SOX13: variants seen among roughly 807,000 people sequenced by gnomAD.
SOX13 encodes SRY-box transcription factor 13.
A neutral mutation model predicts 71.8 loss-of-function variants in SOX13; 28 were observed. That is an observed-to-expected ratio of 0.39 (90% CI 0.29 to 0.53). The LOEUF (loss-of-function observed/expected upper bound fraction) is 0.53, where lower values mean the gene tolerates loss of function less well. Among genes scored for constraint, SOX13 ranks in the 20% least tolerant of loss-of-function variants. The pLI is 0.70. For synonymous variants in SOX13, 309 were observed against 317.8 expected (o/e 0.97, Z 0.29); for missense variants, 627 against 810.3 (o/e 0.77, Z 2.75).
intron 1 of SOX13, among the ~76,000 whole-genome samples, chr1:204,095,294 C>G (rs938060032): frequency 1.3e-5 from 2 of 152,140 alleles, no homozygotes; most frequent in African/African-American, 4.8e-5. Flanking sequence ...TTCTCTATCC[C>G]CATCTTCTTG....
intron 4 of SOX13, among the ~76,000 whole-genome samples, chr1:204,114,808 C>T (rs561445488): frequency 6.6e-6 from 1 of 152,262 alleles, no homozygotes; most frequent in African/African-American, 2.4e-5. Flanking sequence ...CAGGAGAGGC[C>T]TGGTAGGAAT....
chr1:204,073,316 G>A lies in SOX13; in HGVS notation c.-397G>A, dbSNP rs1655707685. ...GGAGCCGGAGAGCGTGAGAGCCGAA[G>A]AGCAGGGAGGGCGGGCCGGCTGCGC... is the stretch of plus-strand genomic sequence containing the variant. On this transcript the variant is annotated 5_prime_UTR_variant, in exon 1 of 14. Coordinates refer to ENST00000367204, the MANE Select transcript of SOX13 (RefSeq NM_005686.3). This position sits in a 1 kb window ranked among gnomAD's most constrained non-coding sequence, Gnocchi z 6.8. The A allele has an allele frequency of 6.5e-6, 1 of 152,772 alleles. No individual in the cohort carries two copies. The highest frequency in any genetic ancestry group is 1.5e-5 in the Non-Finnish European group (1 of 68,490). 9.5% of individuals were successfully genotyped at this position (152,772 alleles called of 1,614,324 possible). A position where few individuals can be genotyped will look rare whatever the true frequency, so the allele number is the denominator to read the frequency against.
At chr1:204,104,089 G>A (rs889400556) in intron 1 of SOX13, among the ~76,000 whole-genome samples, 4 of 152,162 alleles carry the variant, frequency 2.6e-5, no homozygotes, top group Admixed American at 6.5e-5. Context: ...GCTGAGTCCC[G>A]GCAGCCACAG....
In SOX13 at chr1:204,083,790, C is replaced by G. The variant is rs146701284; in HGVS notation, c.-2+10079C>G. Among the ~76,000 whole-genome samples, 861 of 152,238 alleles carry G rather than the reference C, an allele frequency of 5.7e-3. 9 individuals are homozygous for G. Among genetic ancestry groups the G allele is most frequent in the African/African-American group, 0.018 (756 of 41,530 alleles). ...CCACCCTGGGCTGGGGCTGAAAGAC[C>G]ATGAAGCCAGCATAGCCCTGACACA... On this transcript the variant is annotated intron_variant, in intron 1 of 13. Transcript: ENST00000367204.
chr1:204,074,807 GC>G (rs1655751772), intron 1 of SOX13, among the ~76,000 whole-genome samples: 1 of 152,254 alleles, frequency 6.6e-6, no homozygotes, highest in Non-Finnish European at 1.5e-5. Context: ...GCCCTGGAGG[GC>G]CCGCGGCAGC....
intron 1 of SOX13, among the ~76,000 whole-genome samples, chr1:204,075,438 A>T (rs4951300): frequency 1.3e-5 from 2 of 152,228 alleles, no homozygotes; most frequent in South Asian, 4.1e-4. Context: ...AAAGCGCTTC[A>T]CAAGATGCTG....
intron 6 of SOX13, among the ~76,000 whole-genome samples, 178 bp from the exon 7 acceptor site, chr1:204,117,415 G>C (rs1002685171): frequency 6.6e-6 from 1 of 152,172 alleles, no homozygotes; most frequent in Non-Finnish European, 1.5e-5. Flanking sequence ...GAGACCTGAG[G>C]GCAGGTAGAC....
chr1:204,121,756 T>G (rs1314605642), intron 7 of SOX13, 144 bp from the exon 8 acceptor site: 6 of 705,126 alleles, frequency 8.5e-6, no homozygotes, highest in African/African-American at 1.7e-5. Context: ...AAGCAGTGCT[T>G]TGGGGCTGGG....
chr1:204,116,081 C>A, intron 4 of SOX13: 1 of 999,976 alleles, frequency 1.0e-6, no homozygotes, highest in Non-Finnish European at 1.3e-6. Context: ...CCTAACAGCT[C>A]ACAGACAGGA....
intron 1 of SOX13, among the ~76,000 whole-genome samples, chr1:204,087,250 AG>A (rs1420462910): frequency 3.9e-5 from 6 of 152,200 alleles, no homozygotes; most frequent in African/African-American, 7.2e-5. Context: ...ACTTCTGCAG[AG>A]GCAAAAGGGC....
intron 1 of SOX13, among the ~76,000 whole-genome samples, chr1:204,083,700 C>A (rs1020526723): frequency 7.2e-5 from 11 of 152,168 alleles, no homozygotes; most frequent in Admixed American, 6.5e-4. Context: ...ACTGCGGGGG[C>A]CTTCTCTGGT....
At chr1:204,093,109 A>AGGGACGTG (rs1216316390) in intron 1 of SOX13, among the ~76,000 whole-genome samples, 2 of 152,174 alleles carry the variant, frequency 1.3e-5, no homozygotes, top group East Asian at 1.9e-4. Context: ...GTATCAGCAT[A>AGGGACGTG]GGGACGTGGG....
intron 1 of SOX13, among the ~76,000 whole-genome samples, chr1:204,090,058 G>T (rs183999477): frequency 6.6e-6 from 1 of 152,310 alleles, no homozygotes; most frequent in East Asian, 1.9e-4. Context: ...TCTGGTGGGA[G>T]CCCAGGCTGC....
intron 1 of SOX13, among the ~76,000 whole-genome samples, chr1:204,087,594 G>C (rs1308856969): frequency 6.6e-6 from 1 of 152,244 alleles, no homozygotes; most frequent in Admixed American, 6.5e-5. Context: ...TATGCCCTCA[G>C]GGCTGTCACT....
In SOX13 at chr1:204,115,657, C is replaced by CTTTTTT. The variant is rs771014997; in HGVS notation, c.419-830_419-825dup. Among the ~76,000 whole-genome samples the CTTTTTT allele has an allele frequency of 3.5e-3, 199 of 57,394 alleles. 4 individuals carry two copies. Among genetic ancestry groups the CTTTTTT allele is most frequent in the Non-Finnish European group, 4.6e-3 (151 of 33,010 alleles). The allele number at this position is 57,394 out of a possible 152,430, so 37.7% of individuals were successfully genotyped here. Reference sequence around the variant, plus strand: ...TTTGCATATATTAGCGCTTCTTCTTCTTTTTTTTTTTTTTTTTTTTTTTTT... The same window carrying CTTTTTT: ...TTTGCATATATTAGCGCTTCTTCTTCTTTTTTTTTTTTTTTTTTTTTTTTTTTTTTT... On this transcript the variant is annotated intron_variant, in intron 4 of 13. Transcript: ENST00000367204.
intron 7 of SOX13, among the ~76,000 whole-genome samples, chr1:204,121,234 A>G (rs1468496209): frequency 6.6e-6 from 1 of 152,022 alleles, no homozygotes; most frequent in African/African-American, 2.4e-5. Context: ...TGATCCACCC[A>G]CCTTGTCCTC....
At chr1:204,082,065 T>G (rs1571564482) in intron 1 of SOX13, among the ~76,000 whole-genome samples, 4 of 131,318 alleles carry the variant, frequency 3.0e-5, no homozygotes, top group South Asian at 2.6e-4. Context: ...TCTTGGCTGG[T>G]GGTGGGGTGT....
At chr1:204,074,022 C>T (rs997811260) in intron 1 of SOX13, 6 of 152,108 alleles carry the variant, frequency 3.9e-5, no homozygotes, top group African/African-American at 7.2e-5. Flanking sequence ...CGCGCGCGTT[C>T]ACCACGCGGG....
chr1:204,074,514 C>G (rs1655744682), intron 1 of SOX13: 1 of 152,198 alleles, frequency 6.6e-6, no homozygotes, highest in African/African-American at 2.4e-5. Context: ...GCGTTCCGTA[C>G]GTAAACACAC....
Sources: gnomAD v4.1 joint callset for allele counts (sites outside exome capture counted in the v4.1 genomes callset) on GRCh38, gnomAD v4.1.1 for gene constraint, Gnocchi (gnomAD v3.1) non-coding constraint, MANE v1.5 for transcripts, NCBI Gene and HGNC (gene_info 2026-07-23, HGNC 2026-07-21) for gene names.